The following PCDHGB3 variants were observed in gnomAD, a reference collection of about 807,000 sequenced individuals.
PCDHGB3 encodes protocadherin gamma-B3.
A neutral mutation model predicts 59.2 loss-of-function variants in PCDHGB3; 40 were observed. The observed-to-expected ratio is 0.68, with a 90% CI of 0.52 to 0.88. The LOEUF is 0.88. PCDHGB3 is among the 40% of genes least tolerant of loss of function. The pLI is 0.00. For synonymous variants in PCDHGB3, 581 were observed against 503.6 expected, an observed-to-expected ratio of 1.15 and a Z score of -2.06; for missense variants, 1,309 against 1,187.9, an observed-to-expected ratio of 1.10 and a Z score of -1.50.
intron 1 of PCDHGB3, chr5:141,383,027 C>T (rs752703068): frequency 1.2e-6 from 2 of 1,613,838 alleles, no homozygotes; most frequent in Admixed American, 1.7e-5. Context: ...GACAAAGGGT[C>T]CTTTGTGGGA....
chr5:141,487,033 A>T lies in PCDHGB3; in HGVS notation c.2416-7774A>T, dbSNP rs1465525110. ...AGGCCCCAGATCCCAGCCTGTTTGC[A>T]GTCTCTCGATATGCTGGGGAGGTGC... On this transcript the variant is annotated intron_variant, in intron 1 of 3. Coordinates refer to ENST00000576222, the MANE Select transcript of PCDHGB3 (RefSeq NM_018924.5). This position sits in a 1 kb window ranked among gnomAD's most constrained non-coding sequence, Gnocchi z 5.0. The T allele has an allele frequency of 6.2e-7, 1 of 1,614,042 alleles. No homozygotes were observed. The highest frequency in any genetic ancestry group is 8.5e-7 in the Non-Finnish European group (1 of 1,180,040).
chr5:141,466,573 C>T (rs2099125317), intron 1 of PCDHGB3, among the ~76,000 whole-genome samples: 1 of 152,104 alleles, frequency 6.6e-6, no homozygotes, highest in South Asian at 2.1e-4. Context: ...TCAACATTGT[C>T]TCATCCCTTC....
At chr5:141,415,395 CGGCTCGCACTTT>C (rs2095864519) in intron 1 of PCDHGB3, 2 of 1,614,092 alleles carry the variant, frequency 1.2e-6, no homozygotes. Flanking sequence ...CAGGTGTGTC[CGGCTCGCACTTT>C]GTGGGCGTGG....
chr5:141,438,627 TATATATATACAC>T (rs1324653166), intron 1 of PCDHGB3, among the ~76,000 whole-genome samples: 191 of 47,978 alleles, frequency 4.0e-3, no homozygotes, highest in African/African-American at 0.016. Flanking sequence ...TATATATATA[TATATATATACAC>T]ACACACACAC....
intron 1 of PCDHGB3, chr5:141,413,667 G>A: frequency 6.2e-7 from 1 of 1,613,836 alleles, no homozygotes; most frequent in Non-Finnish European, 8.5e-7. Flanking sequence ...CTATTGATCC[G>A]GATGTGGGCG....
At chr5:141,410,132 G>T (rs1278988827) in intron 1 of PCDHGB3, 1 of 1,612,754 alleles carries the variant, frequency 6.2e-7, no homozygotes, top group Non-Finnish European at 8.5e-7. Flanking sequence ...GCGCCTGCTG[G>T]TCGCTGTGCG....
At chr5:141,390,447 G>C (rs941574561) in intron 1 of PCDHGB3, 12 of 843,730 alleles carry the variant, frequency 1.4e-5, no homozygotes, top group Admixed American at 2.9e-5. Flanking sequence ...TACAAAGGAG[G>C]AGTAAAGTAG....
At chr5:141,459,814 T>C (rs757306281) in intron 1 of PCDHGB3, among the ~76,000 whole-genome samples, 1 of 152,256 alleles carries the variant, frequency 6.6e-6, no homozygotes, top group African/African-American at 2.4e-5. Flanking sequence ...CTAGAGACAC[T>C]GAGCAACTTT....
rs925034052 is a variant in PCDHGB3, at chr5:141,486,630, T to G, written c.2416-8177T>G. 2 of 1,613,690 alleles carry G rather than the reference T, an allele frequency of 1.2e-6. No individual in the cohort carries two copies. Among genetic ancestry groups the G allele is most frequent in the Non-Finnish European group, 1.7e-6 (2 of 1,180,028 alleles). ...GCAGCCTCTGACCCAGACTCTGGCTTGAATGCGCTTATCTCCTACTCACTC... is the reference window on the plus strand; with the variant it reads ...GCAGCCTCTGACCCAGACTCTGGCTGGAATGCGCTTATCTCCTACTCACTC... On this transcript the variant is annotated intron_variant, in intron 1 of 3. Coordinates refer to ENST00000576222, the MANE Select transcript of PCDHGB3 (RefSeq NM_018924.5). This position sits in a 1 kb window ranked among gnomAD's most constrained non-coding sequence, Gnocchi z 5.0.
chr5:141,427,915 T>C lies in PCDHGB3; in HGVS notation c.2415+55106T>C, dbSNP rs779333176. ...GGCTCGCCCGCGCTCAGCGCCAACATGAGCCGGCGCATGTTGGTGGGCGAC... is the reference window on the plus strand; with the variant it reads ...GGCTCGCCCGCGCTCAGCGCCAACACGAGCCGGCGCATGTTGGTGGGCGAC... On this transcript the variant is annotated intron_variant, in intron 1 of 3. Transcript: ENST00000576222. The C allele has an allele frequency of 7.0e-6, 11 of 1,578,094 alleles. No individual in the cohort carries two copies. In the Admixed American group the frequency reaches 8.4e-5, roughly 12 times the overall value.
chr5:141,375,714 G>C, intron 1 of PCDHGB3: 1 of 1,614,262 alleles, frequency 6.2e-7, no homozygotes, highest in Non-Finnish European at 8.5e-7. Context: ...CCTCTTAGCA[G>C]CAACGTGTCA....
Position 141,490,293 on chromosome 5 carries a change from A to G in PCDHGB3, c.2416-4514A>G, listed in dbSNP as rs1316965652. On this transcript the variant is annotated intron_variant, in intron 1 of 3. Transcript: ENST00000576222. The surrounding 1 kb of genome is among the most constrained non-coding windows in gnomAD (Gnocchi z 5.4). ...TCAATGACAATGCCCCAGAGGTGCTATTGGCCTCTTTGGCCAACCCTGTCC... is the reference window on the plus strand; with the variant it reads ...TCAATGACAATGCCCCAGAGGTGCTGTTGGCCTCTTTGGCCAACCCTGTCC... The G allele has an allele frequency of 1.2e-6, 2 of 1,614,190 alleles. No individual in the cohort carries two copies. The highest frequency in any genetic ancestry group is 8.5e-7 in the Non-Finnish European group (1 of 1,180,028).
intron 1 of PCDHGB3, among the ~76,000 whole-genome samples, chr5:141,381,836 T>TCTTCTTC (rs1247595630): frequency 6.4e-5 from 9 of 139,950 alleles, no homozygotes; most frequent in African/African-American, 2.6e-4. Flanking sequence ...CTTTTTTTTT[T>TCTTCTTC]TTTTTTTTTT....
intron 1 of PCDHGB3, chr5:141,405,594 C>G: frequency 1.7e-6 from 1 of 578,834 alleles, no homozygotes; most frequent in Non-Finnish European, 3.0e-6. Context: ...ACAGGCCTCC[C>G]AAGTAGAATA....
intron 1 of PCDHGB3, chr5:141,395,206 A>G (rs773754361): frequency 1.2e-6 from 2 of 1,613,736 alleles, no homozygotes; most frequent in South Asian, 1.1e-5. Context: ...GTAGATTTTC[A>G]TGAATATAAG....
At chr5:141,441,368 G>A (rs1215599443) in intron 1 of PCDHGB3, 2 of 152,598 alleles carry the variant, frequency 1.3e-5, no homozygotes, top group African/African-American at 2.4e-5. Flanking sequence ...TGGGGCCGTG[G>A]ACCAGGAACA....
At chr5:141,397,110 C>T (rs561188757) in intron 1 of PCDHGB3, among the ~76,000 whole-genome samples, 1 of 152,324 alleles carries the variant, frequency 6.6e-6, no homozygotes, top group African/African-American at 2.4e-5. Context: ...ATGCAATCCA[C>T]TAGAATATCC....
chr5:141,455,855 C>A (rs1267803457), intron 1 of PCDHGB3, among the ~76,000 whole-genome samples: 4 of 147,088 alleles, frequency 2.7e-5, no homozygotes, highest in African/African-American at 1.0e-4. Flanking sequence ...AAAATAATTT[C>A]TTTTATTATT....
chr5:141,489,405 G>A lies in PCDHGB3; in HGVS notation c.2416-5402G>A. ...ATGTTGCTCAGGATCTGGGCTTAAA[G>A]ATGACAGATCTGTTGAGCCGGCGGC... On this transcript the variant is annotated intron_variant, in intron 1 of 3. Transcript: ENST00000576222. This position sits in a 1 kb window ranked among gnomAD's most constrained non-coding sequence, Gnocchi z 4.5. The A allele has an allele frequency of 1.2e-6, 2 of 1,614,204 alleles. No individual in the cohort carries two copies. The highest frequency in any genetic ancestry group is 2.2e-5 in the South Asian group (2 of 91,088).
Sources: allele counts gnomAD v4.1 joint callset (sites outside exome capture counted in the v4.1 genomes callset), GRCh38; gene constraint gnomAD v4.1.1; non-coding constraint Gnocchi (gnomAD v3.1); transcripts MANE v1.5; gene names NCBI Gene and HGNC (gene_info 2026-07-23, HGNC 2026-07-21).